The following SEPTIN14 variants were observed in gnomAD, a reference collection of about 807,000 sequenced individuals.
SEPTIN14 encodes the protein septin 14.
A neutral mutation model predicts 53.6 loss-of-function variants in SEPTIN14; 40 were observed. The ratio of observed to expected loss-of-function variants is 0.75; its 90% confidence interval spans 0.58 to 0.97. The LOEUF (loss-of-function observed/expected upper bound fraction) is 0.97. Among genes scored for constraint, SEPTIN14 ranks in the 50% least tolerant of loss-of-function variants. The pLI is 0.00. For missense variants in SEPTIN14, 471 were observed against 508.2 expected, an observed-to-expected ratio of 0.93 and a Z score of 0.70; for synonymous variants, 138 against 166.8, an observed-to-expected ratio of 0.83 and a Z score of 1.33.
At chr7:55,862,052 C>A in intron 1 of SEPTIN14, 41 bp from the exon 2 acceptor site, 7 of 1,234,712 alleles carry the variant, frequency 5.7e-6, no homozygotes, top group Non-Finnish European at 7.9e-6. Flanking sequence ...AAATTTCTTA[C>A]AAAGGCTATA....
intron 4 of SEPTIN14, among the ~76,000 whole-genome samples, chr7:55,843,881 T>A (rs1464197316): frequency 6.6e-6 from 1 of 152,086 alleles, no homozygotes; most frequent in Non-Finnish European, 1.5e-5. Flanking sequence ...ATGTCTATAA[T>A]CCCAGCACTT....
chr7:55,823,904 T>TGA (rs1044580063), intron 6 of SEPTIN14, among the ~76,000 whole-genome samples: 40 of 133,542 alleles, frequency 3.0e-4, no homozygotes, highest in Admixed American at 1.2e-3. Flanking sequence ...TTTTTTTTTT[T>TGA]GAGAGAGAGA....
chr7:55,803,180 C>T (rs892327394), intron 9 of SEPTIN14, among the ~76,000 whole-genome samples: 3 of 152,070 alleles, frequency 2.0e-5, no homozygotes, highest in South Asian at 4.1e-4. Context: ...TCAAATGATC[C>T]GCCCACCTCC....
intron 7 of SEPTIN14, among the ~76,000 whole-genome samples, chr7:55,809,210 T>C (rs537679653): frequency 5.3e-5 from 8 of 151,968 alleles, no homozygotes; most frequent in African/African-American, 1.9e-4. Context: ...AGATAAATAT[T>C]GAGAACACAT....
intron 5 of SEPTIN14, among the ~76,000 whole-genome samples, chr7:55,835,671 G>C (rs1430295813): frequency 6.6e-6 from 1 of 152,086 alleles, no homozygotes; most frequent in Non-Finnish European, 1.5e-5. Flanking sequence ...GCCCCGCCTA[G>C]ATGTGTTTGC....
chr7:55,843,172 C>A, intron 4 of SEPTIN14, 44 bp from the exon 5 acceptor site: 1 of 1,257,150 alleles, frequency 8.0e-7, no homozygotes, highest in Non-Finnish European at 1.1e-6. Context: ...CTAATAAAAT[C>A]TAAAGCCTGC....
intron 7 of SEPTIN14, chr7:55,811,429 G>C (rs1788703753): frequency 4.8e-6 from 2 of 420,698 alleles, no homozygotes; most frequent in South Asian, 4.0e-5. Context: ...GGTGGAGGCT[G>C]CAGGGAGCGA....
intron 3 of SEPTIN14, among the ~76,000 whole-genome samples, chr7:55,846,065 G>GTATATATATATATATATATA (rs56306800): frequency 0.019 from 740 of 39,638 alleles, 129 homozygotes; most frequent in Non-Finnish European, 0.028. Context: ...AAAAAAAAAA[G>GTATATATATATATATATATA]TATATATATA....
At chr7:55,807,611 T>A (rs1788629997) in intron 7 of SEPTIN14, among the ~76,000 whole-genome samples, 1 of 152,194 alleles carries the variant, frequency 6.6e-6, no homozygotes. Flanking sequence ...ACAGAATATG[T>A]AATATAACAT....
chr7:55,810,967 G>A (rs1352690226), intron 7 of SEPTIN14: 3 of 419,078 alleles, frequency 7.2e-6, no homozygotes, highest in Non-Finnish European at 1.4e-5. Flanking sequence ...TGTACAGACT[G>A]AGTTCTGTTC....
At chr7:55,836,298 A>C (rs113158005) in intron 5 of SEPTIN14, among the ~76,000 whole-genome samples, 3 of 152,322 alleles carry the variant, frequency 2.0e-5, no homozygotes, top group African/African-American at 7.2e-5. Context: ...ACAATATACA[A>C]AATTATATAA....
intron 7 of SEPTIN14, among the ~76,000 whole-genome samples, chr7:55,812,064 G>C (rs2115977136): frequency 6.6e-6 from 1 of 152,286 alleles, no homozygotes; most frequent in Middle Eastern, 3.4e-3. Flanking sequence ...CAAAGTGCTG[G>C]GATTACAGGC....
At chr7:55,857,869 G>A (rs989874197) in intron 2 of SEPTIN14, among the ~76,000 whole-genome samples, 15 of 151,936 alleles carry the variant, frequency 9.9e-5, no homozygotes, top group Non-Finnish European at 1.5e-4. Flanking sequence ...TTACAGGCGC[G>A]AGCCACCGCG....
At chr7:55,839,982 TA>T (rs1789280180) in intron 5 of SEPTIN14, among the ~76,000 whole-genome samples, 1 of 147,390 alleles carries the variant, frequency 6.8e-6, no homozygotes, top group African/African-American at 2.5e-5. Context: ...TTGTCTCTAC[TA>T]AAAATACAAA....
chr7:55,848,185 A>T (rs1368142922), intron 2 of SEPTIN14, among the ~76,000 whole-genome samples: 1 of 152,202 alleles, frequency 6.6e-6, no homozygotes, highest in Non-Finnish European at 1.5e-5. Flanking sequence ...AAACAAGAAC[A>T]TGCTAATCGG....
At chr7:55,825,885 G>A (rs532258759) in intron 6 of SEPTIN14, among the ~76,000 whole-genome samples, 17 of 152,050 alleles carry the variant, frequency 1.1e-4, no homozygotes, top group African/African-American at 2.9e-4. Flanking sequence ...GGTGGATCAC[G>A]AGGTCAGGAG....
At chr7:55,831,396 T>C (rs1789107317) in intron 6 of SEPTIN14, among the ~76,000 whole-genome samples, 1 of 152,040 alleles carries the variant, frequency 6.6e-6, no homozygotes, top group South Asian at 2.1e-4. Flanking sequence ...ATTCAATAAA[T>C]GGTGCTGGGA....
intron 7 of SEPTIN14, among the ~76,000 whole-genome samples, chr7:55,807,807 C>A (rs577764979): frequency 6.6e-6 from 1 of 151,860 alleles, no homozygotes; most frequent in Non-Finnish European, 1.5e-5. Context: ...AGTGAAGACA[C>A]GGAAAGATAT....
intron 2 of SEPTIN14, among the ~76,000 whole-genome samples, chr7:55,853,424 A>G (rs1396702186): frequency 6.6e-6 from 1 of 152,254 alleles, no homozygotes; most frequent in African/African-American, 2.4e-5. Flanking sequence ...TAAGCAAGTC[A>G]TGGAAAGACA....
Sources: gnomAD v4.1 joint callset for allele counts (sites outside exome capture counted in the v4.1 genomes callset) on GRCh38, gnomAD v4.1.1 for gene constraint, MANE v1.5 for transcripts, NCBI Gene and HGNC (gene_info 2026-07-23, HGNC 2026-07-21) for gene names.